Variants in CEP250 observed in about 807,000 individuals in gnomAD.
The protein encoded by CEP250 is centrosome-associated protein CEP250.
A neutral mutation model predicts 315.7 loss-of-function variants in CEP250; 242 were observed. That is an observed-to-expected ratio of 0.77 (90% CI 0.69 to 0.85). The LOEUF is 0.85. Ranked by LOEUF, CEP250 falls within the 40% of genes least tolerant of loss-of-function variation. The pLI is 0.00. For missense variants in CEP250, 2,515 were observed against 2,886.4 expected (o/e 0.87, Z 2.95); for synonymous variants, 1,088 against 1,175.0 (o/e 0.93, Z 1.51).
In CEP250 at chr20:35,466,204, G is replaced by A; in HGVS notation, c.492G>A (p.Glu164=). ...RKESQWQMEQ[E]FFKGYLKGEH... is the part of the protein sequence containing the mutation. ...AGAGCCAGTGGCAGATGGAGCAGGAGGTAGGAAGAACGGGGACTGGAACTG... is the reference window on the plus strand; with the variant it reads ...AGAGCCAGTGGCAGATGGAGCAGGAAGTAGGAAGAACGGGGACTGGAACTG... The change falls in exon 7 of 35, where the codon GAG becomes GAA. Residue 164 remains glutamate, a splice_region_variant and synonymous_variant. Transcript: ENST00000397527. 6.3e-7 allele frequency: 1 copy of A among 1,585,490 alleles called. No individual in the cohort carries two copies. Among genetic ancestry groups the A allele is most frequent in the Non-Finnish European group, 8.6e-7 (1 of 1,163,742 alleles).
chr20:35,460,375 C>T (rs185296152), intron 3 of CEP250, among the ~76,000 whole-genome samples: 87 of 152,242 alleles, frequency 5.7e-4, no homozygotes, highest in Admixed American at 3.3e-3. Context: ...ATAACAGAAA[C>T]AATAGCACAG....
At position 35,502,691 on chromosome 20, in the gene CEP250, G is replaced by A. The variant is rs3748433; in HGVS notation, c.4322G>A (p.Arg1441Gln). Reference protein sequence around the residue: ...AEREEEVETLRGQIQELEKQR... With the variant: ...AEREEEVETLQGQIQELEKQR... ...AGAGAAGAGGAGGTGGAGACTCTGC[G>A]GGGACAAATCCAGGAACTGGAGAAG... is the stretch of plus-strand genomic sequence containing the variant. Residue 1441 changes from arginine to glutamine, a missense_variant, in exon 30 of 35, where the codon CGG (arginine) becomes CAG (glutamine). Coordinates refer to ENST00000397527, the MANE Select transcript of CEP250 (RefSeq NM_007186.6). 0.095 allele frequency: 152,709 copies of A among 1,614,152 alleles called. 8,088 individuals are homozygous for A. Among genetic ancestry groups the A allele is most frequent in the African/African-American group, 0.17 (12,425 of 75,024 alleles).
In CEP250 at chr20:35,513,563, G is replaced by C. The variant is rs1286365576; in HGVS notation, c.*1937G>C. ...ATGAGCCACCGCGCCCGGCCCTTTA[G>C]GCCATTTTTATGCTAGGAGTTGTCA... is the stretch of plus-strand genomic sequence containing the variant. On this transcript the variant is annotated 3_prime_UTR_variant, in exon 35 of 35. Transcript: ENST00000397527. The C allele has an allele frequency of 1.3e-5, 2 of 152,164 alleles. No individual in the cohort carries two copies. Among genetic ancestry groups the C allele is most frequent in the Non-Finnish European group, 2.9e-5 (2 of 68,034 alleles). 9.4% of individuals were successfully genotyped at this position (152,164 alleles called of 1,614,324 possible).
In CEP250 at chr20:35,504,885, G is replaced by A; in HGVS notation, c.6516G>A (p.Lys2172=). Residue 2172 remains lysine (K), a synonymous_variant, in exon 30 of 35, where the codon AAG becomes AAA. Coordinates refer to ENST00000397527, the MANE Select transcript of CEP250 (RefSeq NM_007186.6). ...TEAREIEWRE[K]AQDLALSLAQ... ...CCAGGGAGATTGAGTGGAGGGAGAA[G>A]GCCCAGGACTTGGCACTCTCCCTAG... 1 of 1,614,220 alleles carries A rather than the reference G, an allele frequency of 6.2e-7. No individual in the cohort carries two copies.
At chr20:35,475,325 A>G (rs997523034) in intron 14 of CEP250, among the ~76,000 whole-genome samples, 177 bp from the exon 15 acceptor site, 1 of 152,210 alleles carries the variant, frequency 6.6e-6, no homozygotes, top group Non-Finnish European at 1.5e-5. Context: ...TGTATCATGT[A>G]TATACTGTTC....
At position 35,473,552 on chromosome 20, in the gene CEP250, A is replaced by G. The variant is rs1379955707; in HGVS notation, c.1388A>G (p.Lys463Arg). ...DLQGEVDSLS[K>R]ERELLQKARE... ...CAGGGAGAGGTGGACTCTCTCAGCA[A>G]GTGAGCAGACGGGCTGTTCATCCCA... Residue 463 changes from lysine (K) to arginine (R), a missense_variant and splice_region_variant, in exon 13 of 35, where the codon AAG becomes AGG. Lys to Arg is a conservative substitution (Grantham distance 26, BLOSUM62 2). Coordinates refer to ENST00000397527, the MANE Select transcript of CEP250 (RefSeq NM_007186.6). 6.2e-7 allele frequency: 1 copy of G among 1,609,512 alleles called. No individual in the cohort carries two copies. The highest frequency in any genetic ancestry group is 1.7e-5 in the Admixed American group (1 of 59,618).
intron 32 of CEP250, among the ~76,000 whole-genome samples, chr20:35,508,503 T>C (rs1177316944): frequency 6.6e-6 from 1 of 152,098 alleles, no homozygotes; most frequent in East Asian, 1.9e-4. Flanking sequence ...TTAGTAGAGA[T>C]GGTGTTTCAC....
At chr20:35,491,022 T>C in intron 21 of CEP250, 190 bp from the exon 22 acceptor site, 1 of 806,776 alleles carries the variant, frequency 1.2e-6, no homozygotes, top group Non-Finnish European at 2.0e-6. Context: ...TACCACATCC[T>C]GTCAGCTTGC....
At chr20:35,483,723 C>G (rs902562384) in intron 20 of CEP250, among the ~76,000 whole-genome samples, 1 of 151,828 alleles carries the variant, frequency 6.6e-6, no homozygotes, top group Non-Finnish European at 1.5e-5. Context: ...TATGTCAGAC[C>G]TTTTTACTCT....
intron 27 of CEP250, 111 bp from the exon 28 acceptor site, chr20:35,499,938 G>T: frequency 7.3e-7 from 1 of 1,379,184 alleles, no homozygotes. Context: ...CTGGGAGTAG[G>T]TCCACAATGG....
At chr20:35,473,780 GA>G in intron 13 of CEP250, 89 bp from the exon 14 acceptor site, 5 of 1,222,666 alleles carry the variant, frequency 4.1e-6, no homozygotes, top group Non-Finnish European at 5.7e-6. Context: ...ATGGGATGTT[GA>G]AACAGGGTCT....
At chr20:35,468,877 A>G (rs564884362) in intron 9 of CEP250, among the ~76,000 whole-genome samples, 37 of 152,076 alleles carry the variant, frequency 2.4e-4, no homozygotes, top group African/African-American at 8.7e-4. Flanking sequence ...GGGTCTCACT[A>G]TGTTTCCCAG....
Position 35,473,913 on chromosome 20 carries a change from C to T in CEP250, c.1432C>T (p.Gln478Ter). ...GAAGGCCAGGGAAGAGCTGCGGCAG[C>T]AGCTGGAGGTGCTAGAGCAGGAGGC... The part of the protein sequence containing the change: ...LQKAREELRQ[Q>*]LEVLEQEAWR... The change falls in exon 14 of 35, where the codon CAG (glutamine) becomes TAG (stop). Residue 478 changes from glutamine (Q) to a stop codon, truncating the protein, a stop_gained. Transcript: ENST00000397527. LOFTEE classifies it high-confidence loss of function. The T allele has an allele frequency of 1.2e-6, 2 of 1,613,142 alleles. No homozygotes were observed. The highest frequency in any genetic ancestry group is 1.1e-5 in the South Asian group (1 of 90,998).
At chr20:35,456,308 C>T (rs2062623676) in intron 1 of CEP250, among the ~76,000 whole-genome samples, 1 of 152,104 alleles carries the variant, frequency 6.6e-6, no homozygotes, top group Non-Finnish European at 1.5e-5. Context: ...GCCAGGAGTC[C>T]CACAACTAAT....
intron 28 of CEP250, 25 bp from the exon 29 acceptor site, chr20:35,501,820 C>T: frequency 7.0e-7 from 1 of 1,425,122 alleles, no homozygotes. Flanking sequence ...CACTACCTCT[C>T]CTCTCCTCTC....
At chr20:35,494,969 AT>A (rs1168770902) in intron 24 of CEP250, among the ~76,000 whole-genome samples, 1 of 6,882 alleles carries the variant, frequency 1.5e-4, no homozygotes, top group African/African-American at 1.6e-4. Flanking sequence ...AATAACTCAA[AT>A]TATTACGTTA....
chr20:35,475,638 C>T lies in CEP250; in HGVS notation c.1708C>T (p.Leu570=), dbSNP rs145111069. ...RQEQTEVTAA[L]ARAEQSIAEL... is the part of the protein sequence containing the mutation. ...AGAGCAAACGGAAGTGACCGCAGCG[C>T]TGGCTAGGGTGCGTGGCCTCCTCTC... is the stretch of plus-strand genomic sequence containing the variant. The change falls in exon 15 of 35, where the codon CTG becomes TTG. Residue 570 remains leucine, a synonymous_variant. Transcript: ENST00000397527. The T allele has an allele frequency of 1.7e-4, 267 of 1,613,538 alleles. 2 individuals are homozygous for T. Among genetic ancestry groups the T allele is most frequent in the Admixed American group, 4.2e-4 (25 of 60,004 alleles).
Position 35,467,018 on chromosome 20 carries a change from G to A in CEP250, c.545G>A (p.Arg182Gln), listed in dbSNP as rs762645568. 5.6e-6 allele frequency: 9 copies of A among 1,613,990 alleles called. No individual in the cohort carries two copies. Among genetic ancestry groups the A allele is most frequent in the South Asian group, 3.3e-5 (3 of 91,068 alleles). The change falls in exon 8 of 35, where the codon CGG becomes CAG. Residue 182 changes from arginine to glutamine, a missense_variant. Transcript: ENST00000397527. ...CACGGTCGCCTTCTCAGTCTATGGC[G>A]GGAGGTTGTGACATTCCGACGCCAC... ...GEHGRLLSLW[R>Q]EVVTFRRHFL...
chr20:35,494,951 A>G (rs552310569), intron 24 of CEP250, among the ~76,000 whole-genome samples: 4 of 143,148 alleles, frequency 2.8e-5, no homozygotes, highest in African/African-American at 1.0e-4. Flanking sequence ...GGAAGACATT[A>G]ATCAAATAAT....
Sources: allele counts gnomAD v4.1 joint callset (sites outside exome capture counted in the v4.1 genomes callset), GRCh38; gene constraint gnomAD v4.1.1; transcripts MANE v1.5; gene names NCBI Gene and HGNC (gene_info 2026-07-23, HGNC 2026-07-21).